ALK: variants seen among roughly 807,000 people sequenced by gnomAD.
ALK encodes ALK receptor tyrosine kinase.
ALK carries 74 observed loss-of-function variants against 163.1 expected under a neutral mutation model. That is an observed-to-expected ratio of 0.45 (90% CI 0.38 to 0.55). The LOEUF (loss-of-function observed/expected upper bound fraction) is 0.55. Ranked by LOEUF, ALK falls within the 20% of genes least tolerant of loss-of-function variation. ALK has a pLI of 0.00. For synonymous variants in ALK, 960 were observed against 843.2 expected (o/e 1.14, Z -2.40); for missense variants, 2,063 against 2,105.3 (o/e 0.98, Z 0.39).
chr2:29,369,500 A>G (rs955897406), intron 5 of ALK, among the ~76,000 whole-genome samples: 1 of 152,178 alleles, frequency 6.6e-6, no homozygotes. Flanking sequence ...AGTGTAGCCG[A>G]TCCAACCATT....
At chr2:29,377,803 T>C (rs771268953) in intron 5 of ALK, among the ~76,000 whole-genome samples, 13 of 152,196 alleles carry the variant, frequency 8.5e-5, no homozygotes, top group Non-Finnish European at 1.8e-4. Context: ...TGGGACTGCA[T>C]TTGACTTTGG....
Position 29,673,773 on chromosome 2 carries a change from T to C in ALK, c.952+21077A>G, listed in dbSNP as rs978519868. 4.0e-5 allele frequency among the ~76,000 whole-genome samples: 6 copies of C among 150,882 alleles called. No homozygotes were observed. In the East Asian group the frequency reaches 7.7e-4, roughly 19 times the overall value. The stretch of plus-strand genomic sequence containing the variant: ...AATCTGTAAATTACCTTGGGCAGTA[T>C]GGCCATTTTCATGATATTGATTCTT... On this transcript the variant is annotated intron_variant, in intron 3 of 28. Coordinates refer to ENST00000389048, the MANE Select transcript of ALK (RefSeq NM_004304.5).
intron 3 of ALK, among the ~76,000 whole-genome samples, chr2:29,568,758 CTCCCCTTTGGGG>C (rs1558388232): frequency 6.6e-6 from 1 of 152,198 alleles, no homozygotes; most frequent in Non-Finnish European, 1.5e-5. Flanking sequence ...AGAAGCTCTT[CTCCCCTTTGGGG>C]TCCTGTTTTG....
intron 1 of ALK, among the ~76,000 whole-genome samples, chr2:29,914,515 G>A (rs947703659): frequency 1.3e-5 from 2 of 152,228 alleles, no homozygotes; most frequent in Non-Finnish European, 2.9e-5. Flanking sequence ...AAAAACAATA[G>A]TGGTTCATAT....
chr2:29,743,717 G>C (rs1300559094), intron 1 of ALK, among the ~76,000 whole-genome samples: 1 of 152,170 alleles, frequency 6.6e-6, no homozygotes, highest in African/African-American at 2.4e-5. Context: ...ACAGATGGGG[G>C]CTTAAAACTC....
chr2:29,809,859 G>A (rs1174920784), intron 1 of ALK, among the ~76,000 whole-genome samples: 1 of 152,240 alleles, frequency 6.6e-6, no homozygotes, highest in African/African-American at 2.4e-5. Flanking sequence ...GCTTCACTGA[G>A]AAAGGACTTG....
At chr2:29,345,989 C>A (rs1667937578) in intron 5 of ALK, among the ~76,000 whole-genome samples, 1 of 151,934 alleles carries the variant, frequency 6.6e-6, no homozygotes, top group African/African-American at 2.4e-5. Flanking sequence ...ATTATGAATG[C>A]TTTGAGCTCT....
intron 9 of ALK, among the ~76,000 whole-genome samples, chr2:29,280,637 T>G (rs575485702): frequency 2.7e-5 from 4 of 150,352 alleles, no homozygotes; most frequent in African/African-American, 1.0e-4. Context: ...TGAGGGAAAG[T>G]TCTAGAATGT....
At chr2:29,513,218 T>C (rs200512877) in intron 4 of ALK, among the ~76,000 whole-genome samples, 10,493 of 110,520 alleles carry the variant, frequency 0.095, 687 homozygotes, top group Admixed American at 0.11. Context: ...AAGAACAAAG[T>C]TGGAGGCATC....
At chr2:29,257,282 C>A (rs1407165214) in intron 11 of ALK, among the ~76,000 whole-genome samples, 3 of 151,962 alleles carry the variant, frequency 2.0e-5, no homozygotes, top group African/African-American at 7.2e-5. Context: ...CTTACACATA[C>A]CCCATACTGA....
chr2:29,870,202 A>T (rs1049788067), intron 1 of ALK, among the ~76,000 whole-genome samples: 4 of 152,218 alleles, frequency 2.6e-5, no homozygotes, highest in African/African-American at 9.6e-5. Context: ...CTATAAAGAC[A>T]TACCTGAGAC....
intron 8 of ALK, among the ~76,000 whole-genome samples, chr2:29,304,884 A>T (rs991340930): frequency 1.3e-5 from 2 of 152,228 alleles, no homozygotes; most frequent in Non-Finnish European, 2.9e-5. Flanking sequence ...GATATTGTGA[A>T]TGACATGGTG....
intron 13 of ALK, 45 bp downstream of exon 13, chr2:29,239,626 CCTTCCCGGG>C (rs1290072202): frequency 1.4e-5 from 22 of 1,608,546 alleles, no homozygotes; most frequent in Middle Eastern, 1.9e-4. Flanking sequence ...CTCCAAGAGG[CCTTCCCGGG>C]GCCTGACAGA....
intron 4 of ALK, among the ~76,000 whole-genome samples, chr2:29,395,966 T>C (rs2148311308): frequency 6.6e-6 from 1 of 152,324 alleles, no homozygotes; most frequent in Non-Finnish European, 1.5e-5. Flanking sequence ...GCCTCCCATG[T>C]CATGGAAAAC....
At chr2:29,871,314 G>C (rs975694483) in intron 1 of ALK, among the ~76,000 whole-genome samples, 18 of 152,136 alleles carry the variant, frequency 1.2e-4, no homozygotes, top group African/African-American at 4.1e-4. Flanking sequence ...GGCCATAATA[G>C]AGCCATGCAA....
At chr2:29,656,136 C>T (rs934830926) in intron 3 of ALK, among the ~76,000 whole-genome samples, 4 of 152,062 alleles carry the variant, frequency 2.6e-5, no homozygotes, top group Non-Finnish European at 4.4e-5. Context: ...ATTCATGGGA[C>T]TGTACACTAC....
intron 4 of ALK, among the ~76,000 whole-genome samples, chr2:29,446,178 A>C (rs944019869): frequency 2.6e-5 from 4 of 151,776 alleles, no homozygotes; most frequent in Non-Finnish European, 4.4e-5. Flanking sequence ...CAAACAACAA[A>C]AAAAATGAAG....
Position 29,207,187 on chromosome 2 carries a change from A to C in ALK, c.3922T>G (p.Ser1308Ala). Reference protein sequence around the residue: ...PEAFMEGIFTSKTDTWSFGVL... With the variant: ...PEAFMEGIFTAKTDTWSFGVL... ...CTGACTTACCATGTGTCTGTTTTAG[A>C]AGTGAATATTCCTTCCATGAAGGCC... is the stretch of plus-strand genomic sequence containing the variant. Residue 1308 changes from serine to alanine, a missense_variant, in exon 26 of 29, where the codon TCT becomes GCT. Ser to Ala is a moderately conservative substitution (Grantham distance 99). Coordinates refer to ENST00000389048, the MANE Select transcript of ALK (RefSeq NM_004304.5). The C allele has an allele frequency of 6.2e-7, 1 of 1,613,836 alleles. No homozygotes were observed. Among genetic ancestry groups the C allele is most frequent in the South Asian group, 1.1e-5 (1 of 91,076 alleles).
At chr2:29,206,250 C>T (rs755565548) in intron 26 of ALK, among the ~76,000 whole-genome samples, 2 of 151,218 alleles carry the variant, frequency 1.3e-5, no homozygotes, top group African/African-American at 2.4e-5. Flanking sequence ...CTCCTCTCCC[C>T]TCCCTTTCTT....
Sources: gnomAD v4.1 joint callset for allele counts (sites outside exome capture counted in the v4.1 genomes callset) on GRCh38, gnomAD v4.1.1 for gene constraint, MANE v1.5 for transcripts, NCBI Gene and HGNC (gene_info 2026-07-23, HGNC 2026-07-21) for gene names.